The following TBC1D22B variants were observed in gnomAD, a reference collection of about 807,000 sequenced individuals.
TBC1D22B encodes TBC1 domain family member 22B.
A neutral mutation model predicts 69.1 loss-of-function variants in TBC1D22B; 32 were observed. That is an observed-to-expected ratio of 0.46 (90% CI 0.35 to 0.62). The LOEUF (loss-of-function observed/expected upper bound fraction) is 0.62, where lower values mean the gene tolerates loss of function less well. TBC1D22B is among the 20% of genes least tolerant of loss of function. TBC1D22B has a pLI of 0.00. For missense variants in TBC1D22B, 462 were observed against 630.9 expected, an observed-to-expected ratio of 0.73 and a Z score of 2.87; for synonymous variants, 206 against 229.8, an observed-to-expected ratio of 0.90 and a Z score of 0.94.
intron 12 of TBC1D22B, among the ~76,000 whole-genome samples, chr6:37,326,376 CAAA>C (rs10651731): frequency 8.6e-5 from 10 of 115,870 alleles, no homozygotes; most frequent in African/African-American, 1.6e-4. Flanking sequence ...GACTGCGCCT[CAAA>C]AAAAAAAAAA....
At chr6:37,329,995 T>G (rs891848097) in intron 12 of TBC1D22B, among the ~76,000 whole-genome samples, 3 of 152,180 alleles carry the variant, frequency 2.0e-5, no homozygotes, top group Non-Finnish European at 4.4e-5. Flanking sequence ...ACCTTTACAC[T>G]GAGAACTGCA....
At chr6:37,318,313 TG>T (rs1581630699) in intron 12 of TBC1D22B, among the ~76,000 whole-genome samples, 2 of 152,260 alleles carry the variant, frequency 1.3e-5, no homozygotes, top group East Asian at 3.9e-4. Flanking sequence ...GGGGTGAGTC[TG>T]GATGGCTTTA....
In TBC1D22B at chr6:37,316,794, T is replaced by C. The variant is rs746682000; in HGVS notation, c.1257T>C (p.Pro419=). The C allele has an allele frequency of 1.2e-6, 2 of 1,614,218 alleles. No homozygotes were observed. The highest frequency in any genetic ancestry group is 1.7e-6 in the Non-Finnish European group (2 of 1,180,030). Residue 419 remains proline (P), a synonymous_variant, in exon 11 of 13, where the codon CCT becomes CCC. Transcript: ENST00000373491. ...ACAACCTGCTTATGCGGGAGCTTCCTCTTCGCTGCACCATCCGCCTGTGGG... is the reference window on the plus strand; with the variant it reads ...ACAACCTGCTTATGCGGGAGCTTCCCCTTCGCTGCACCATCCGCCTGTGGG... ...WMNNLLMREL[P]LRCTIRLWDT...
At chr6:37,273,295 C>A (rs1169543865) in intron 2 of TBC1D22B, among the ~76,000 whole-genome samples, 2 of 151,586 alleles carry the variant, frequency 1.3e-5, no homozygotes, top group Non-Finnish European at 2.9e-5. Flanking sequence ...GTAACCACAA[C>A]CATTCTGGTC....
At chr6:37,300,045 C>T (rs1038275984) in intron 8 of TBC1D22B, among the ~76,000 whole-genome samples, 1 of 151,472 alleles carries the variant, frequency 6.6e-6, no homozygotes, top group Non-Finnish European at 1.5e-5. Flanking sequence ...AATACTCTCC[C>T]GTGTTTTCTT....
chr6:37,264,719 A>T (rs920637527), intron 1 of TBC1D22B, among the ~76,000 whole-genome samples: 3 of 152,208 alleles, frequency 2.0e-5, no homozygotes, highest in Non-Finnish European at 4.4e-5. Flanking sequence ...GGGTAGGGGT[A>T]TGGAAAGTTT....
At chr6:37,282,064 A>C in intron 3 of TBC1D22B, 121 bp from the exon 4 acceptor site, 1 of 1,094,026 alleles carries the variant, frequency 9.1e-7, no homozygotes, top group Non-Finnish European at 1.4e-6. Flanking sequence ...CACCTCAGAC[A>C]GTGCACACAG....
Position 37,331,262 on chromosome 6 carries a change from G to A in TBC1D22B, c.*90G>A. ...CTGTGCGAGCCGTGGACCCCGGCCA[G>A]GAACCACTCCTGTTGTACAAAGCTC... On this transcript the variant is annotated 3_prime_UTR_variant, in exon 13 of 13. Transcript: ENST00000373491. The A allele has an allele frequency of 7.3e-7, 1 of 1,371,806 alleles. No homozygotes were observed. Among genetic ancestry groups the A allele is most frequent in the Non-Finnish European group, 1.0e-6 (1 of 975,146 alleles). The allele number at this position is 1,371,806 out of a possible 1,614,324, so 85.0% of individuals were successfully genotyped here.
chr6:37,271,875 A>G (rs961793922), intron 2 of TBC1D22B, among the ~76,000 whole-genome samples: 8 of 145,446 alleles, frequency 5.5e-5, no homozygotes, highest in Non-Finnish European at 1.2e-4. Flanking sequence ...TTTTTAAATC[A>G]GAAACCACTA....
At chr6:37,286,562 G>A (rs374929976) in intron 6 of TBC1D22B, among the ~76,000 whole-genome samples, 194 of 151,866 alleles carry the variant, frequency 1.3e-3, no homozygotes, top group Middle Eastern at 6.8e-3. Flanking sequence ...TGATCCGCCC[G>A]GCTTGGCCTC....
At chr6:37,281,351 G>A (rs1004547224) in intron 3 of TBC1D22B, among the ~76,000 whole-genome samples, 2 of 152,250 alleles carry the variant, frequency 1.3e-5, no homozygotes, top group African/African-American at 4.8e-5. Flanking sequence ...ATATACGTGA[G>A]TCCTCTACTG....
chr6:37,266,930 C>CTTTTTTTTTTT (rs35702920), intron 1 of TBC1D22B, among the ~76,000 whole-genome samples: 6 of 54,858 alleles, frequency 1.1e-4, no homozygotes, highest in Admixed American at 2.7e-4. Context: ...TTTTCTTCGT[C>CTTTTTTTTTTT]TTTTTTTTTT....
intron 1 of TBC1D22B, among the ~76,000 whole-genome samples, chr6:37,268,558 A>C (rs1766379350): frequency 6.6e-6 from 1 of 152,182 alleles, no homozygotes; most frequent in African/African-American, 2.4e-5. Context: ...ACATGACCGA[A>C]AAGCACATGA....
intron 8 of TBC1D22B, among the ~76,000 whole-genome samples, chr6:37,306,431 T>C (rs2113772699): frequency 6.6e-6 from 1 of 152,308 alleles, no homozygotes; most frequent in African/African-American, 2.4e-5. Flanking sequence ...CCACAGCGTC[T>C]TAGTAACATG....
intron 12 of TBC1D22B, among the ~76,000 whole-genome samples, chr6:37,326,119 C>T (rs546340514): frequency 1.3e-5 from 2 of 152,040 alleles, no homozygotes; most frequent in African/African-American, 2.4e-5. Flanking sequence ...CGGTGGCTCA[C>T]GCCTGTAATC....
chr6:37,307,332 T>A (rs958406580), intron 8 of TBC1D22B, among the ~76,000 whole-genome samples: 4 of 151,996 alleles, frequency 2.6e-5, no homozygotes, highest in Non-Finnish European at 4.4e-5. Context: ...ACTTTTGTTA[T>A]GAGAAATTTT....
chr6:37,267,889 G>C (rs1431143293), intron 1 of TBC1D22B, among the ~76,000 whole-genome samples: 1 of 152,112 alleles, frequency 6.6e-6, no homozygotes, highest in East Asian at 1.9e-4. Context: ...AATATCTTCT[G>C]AGCCCTGTCA....
At chr6:37,271,312 CAAAA>C (rs1219279623) in intron 2 of TBC1D22B, among the ~76,000 whole-genome samples, 1 of 151,910 alleles carries the variant, frequency 6.6e-6, no homozygotes, top group African/African-American at 2.4e-5. Flanking sequence ...GACTCTGTCT[CAAAA>C]AACAAAGCAA....
chr6:37,261,944 A>AGTGTGTGTGTGT (rs70977641), intron 1 of TBC1D22B, among the ~76,000 whole-genome samples: 16 of 118,792 alleles, frequency 1.3e-4, no homozygotes, highest in Non-Finnish European at 2.4e-4. Context: ...AGCTTTGGTC[A>AGTGTGTGTGTGT]GTGTGTGTGT....
Sources: gnomAD v4.1 joint callset for allele counts (sites outside exome capture counted in the v4.1 genomes callset) on GRCh38, gnomAD v4.1.1 for gene constraint, MANE v1.5 for transcripts, NCBI Gene and HGNC (gene_info 2026-07-23, HGNC 2026-07-21) for gene names.